The following TXN2 variants were observed in gnomAD, a reference collection of about 807,000 sequenced individuals.
TXN2 encodes the protein thioredoxin 2.
Under a neutral mutation model 14.6 loss-of-function variants are expected in TXN2, and 12 were observed. That is an observed-to-expected ratio of 0.82 (90% CI 0.53 to 1.33). TXN2 has a LOEUF of 1.33. Ranked by LOEUF, TXN2 falls within the 40% of genes most tolerant of loss-of-function variation. TXN2 has a pLI of 0.00. For synonymous variants in TXN2, 89 were observed against 81.0 expected, an observed-to-expected ratio of 1.10 and a Z score of -0.53; for missense variants, 173 against 207.7, an observed-to-expected ratio of 0.83 and a Z score of 1.03.
Position 36,473,213 on chromosome 22 carries a change from C to T in TXN2, c.387+3520G>A, listed in dbSNP as rs187973283. 2.4e-4 allele frequency among the ~76,000 whole-genome samples: 36 copies of T among 152,216 alleles called. No homozygotes were observed. The East Asian group carries it at 6.2e-3, about 26-fold the overall frequency. On this transcript the variant is annotated intron_variant, in intron 3 of 3. Coordinates refer to ENST00000216185, the MANE Select transcript of TXN2 (RefSeq NM_012473.4). ...ATCCTAGCACTTTGGGAGGCCGAGG[C>T]GGGCTGATCACCTGATGTCAGGAGT...
rs1337917806 is a variant in TXN2 at position 36,480,727 on chromosome 22, G to A, written c.111C>T (p.Cys37=). ...LTSRALQTPQ[C]SPGGLTVTPN... ...GTGTTACAGTCAGGCCACCAGGACT[G>A]CATTGTGGGGTCTGCAGGGCTCTGG... Residue 37 remains cysteine (C), a synonymous_variant, in exon 2 of 4, where the codon TGC becomes TGT. Coordinates refer to ENST00000216185, the MANE Select transcript of TXN2 (RefSeq NM_012473.4). 1 of 1,614,152 alleles carries A rather than the reference G, an allele frequency of 6.2e-7. No homozygotes were observed. Among genetic ancestry groups the A allele is most frequent in the Non-Finnish European group, 8.5e-7 (1 of 1,180,030 alleles).
At chr22:36,475,697 G>A (rs1262914273) in intron 3 of TXN2, among the ~76,000 whole-genome samples, 1 of 152,170 alleles carries the variant, frequency 6.6e-6, no homozygotes, top group East Asian at 1.9e-4. Context: ...ATACTAGAAT[G>A]TAGACTCCAC....
Position 36,476,853 on chromosome 22 carries a change from C to G in TXN2, c.267G>C (p.Trp89Cys). 1 of 1,614,184 alleles carries G rather than the reference C, an allele frequency of 6.2e-7. No individual in the cohort carries two copies. The highest frequency in any genetic ancestry group is 8.5e-7 in the Non-Finnish European group (1 of 1,180,026). ...TPVVVDFHAQ[W>C]CGPCKILGPR... ...GCCCCAGGATCTTGCAGGGTCCACA[C>G]CACCTCAAAAGGCGAGAAAGGAAGC... is the stretch of plus-strand genomic sequence containing the variant. The change falls in exon 3 of 4, where the codon TGG becomes TGC. Residue 89 changes from tryptophan (W) to cysteine (C), a missense_variant. Coordinates refer to ENST00000216185, the MANE Select transcript of TXN2 (RefSeq NM_012473.4).
At chr22:36,475,058 G>A (rs1933358835) in intron 3 of TXN2, among the ~76,000 whole-genome samples, 2 of 148,310 alleles carry the variant, frequency 1.3e-5, no homozygotes. Flanking sequence ...CAGCTTATCA[G>A]GGAGATCTAC....
chr22:36,481,536 C>A, intron 1 of TXN2, 28 bp downstream of exon 1: 1 of 994,298 alleles, frequency 1.0e-6, no homozygotes, highest in East Asian at 1.1e-4. Flanking sequence ...CGCGACACCA[C>A]CTCGAGCCAC....
At chr22:36,481,640 C>CGGG (rs1555885385), upstream of TXN2, 901 of 949,442 alleles carry the variant, frequency 9.5e-4, 8 homozygotes, top group African/African-American at 0.016. Flanking sequence ...GTCACTTCCT[C>CGGG]GGGGGGGGAC....
chr22:36,481,512 C>T, intron 1 of TXN2, 52 bp downstream of exon 1: 1 of 944,446 alleles, frequency 1.1e-6, no homozygotes, highest in Non-Finnish European at 1.3e-6. Flanking sequence ...AACGCGCTCG[C>T]GGCATGCCTC....
intron 2 of TXN2, among the ~76,000 whole-genome samples, chr22:36,479,682 C>T (rs2145827893): frequency 6.6e-6 from 1 of 152,176 alleles, no homozygotes; most frequent in Admixed American, 6.5e-5. Flanking sequence ...TCCCAGGATG[C>T]CTCATTCAGA....
chr22:36,480,037 C>A (rs1343193572), intron 2 of TXN2, among the ~76,000 whole-genome samples: 6 of 152,118 alleles, frequency 3.9e-5, no homozygotes, highest in Admixed American at 3.3e-4. Flanking sequence ...GCACACACCA[C>A]CACGCCTAGC....
intron 3 of TXN2, among the ~76,000 whole-genome samples, chr22:36,473,682 T>C (rs1191763777): frequency 6.6e-6 from 1 of 152,180 alleles, no homozygotes; most frequent in Non-Finnish European, 1.5e-5. Flanking sequence ...GATGTGGGCC[T>C]AGCAGCCTTG....
At chr22:36,479,449 A>G (rs368624832) in intron 2 of TXN2, among the ~76,000 whole-genome samples, 1 of 151,078 alleles carries the variant, frequency 6.6e-6, no homozygotes, top group Admixed American at 6.6e-5. Context: ...CTCCTGCCTC[A>G]GCCTCTTGGG....
At chr22:36,469,555 T>C (rs1933229308) in intron 3 of TXN2, among the ~76,000 whole-genome samples, 1 of 152,146 alleles carries the variant, frequency 6.6e-6, no homozygotes. Context: ...CTGCATAGGT[T>C]ATGTGGAACG....
chr22:36,481,625 C>A lies in TXN2; in HGVS notation c.-62G>T. 1 of 978,076 alleles carries A rather than the reference C, an allele frequency of 1.0e-6. No individual in the cohort carries two copies. Among genetic ancestry groups the A allele is most frequent in the Non-Finnish European group, 1.2e-6 (1 of 816,486 alleles). The allele number at this position is 978,076 out of a possible 1,614,324, so 60.6% of individuals were successfully genotyped here. ...CCCTCCCTGCCTGTCAAGGGCACGCCTGTCGTCACTTCCTCGGGGGGGGAC... is the reference window on the plus strand; with the variant it reads ...CCCTCCCTGCCTGTCAAGGGCACGCATGTCGTCACTTCCTCGGGGGGGGAC... On this transcript the variant is annotated 5_prime_UTR_variant, in exon 1 of 4. In the 5' UTR this introduces an upstream ATG that the reference lacks. Transcript: ENST00000216185.
chr22:36,469,416 G>T (rs1347055757), intron 3 of TXN2, among the ~76,000 whole-genome samples: 2 of 152,088 alleles, frequency 1.3e-5, no homozygotes, highest in African/African-American at 4.8e-5. Context: ...GAAACTCAGG[G>T]ACTTCTACTG....
chr22:36,479,434 C>T (rs928556079), intron 2 of TXN2, among the ~76,000 whole-genome samples: 3 of 151,376 alleles, frequency 2.0e-5, no homozygotes, highest in Admixed American at 1.3e-4. Context: ...CAGGTTCAAG[C>T]GATTCTCCTG....
At chr22:36,472,720 C>T (rs1009183252) in intron 3 of TXN2, among the ~76,000 whole-genome samples, 5 of 152,040 alleles carry the variant, frequency 3.3e-5, no homozygotes, top group Non-Finnish European at 5.9e-5. Context: ...ACAGGGGAAC[C>T]GAGGGCGGTG....
chr22:36,471,059 G>A (rs1045168960), intron 3 of TXN2, among the ~76,000 whole-genome samples: 1 of 152,188 alleles, frequency 6.6e-6, no homozygotes, highest in African/African-American at 2.4e-5. Flanking sequence ...CGACCCTGAG[G>A]AGGCGGCTGA....
chr22:36,471,784 T>C (rs6519009), intron 3 of TXN2, among the ~76,000 whole-genome samples: 43,231 of 151,666 alleles, frequency 0.29, 8,231 homozygotes, highest in African/African-American at 0.54. Flanking sequence ...GGCCGGCCAA[T>C]GTGGTGAAAC....
intron 3 of TXN2, among the ~76,000 whole-genome samples, chr22:36,473,624 AATG>A (rs1220441303): frequency 6.6e-6 from 1 of 152,180 alleles, no homozygotes; most frequent in Non-Finnish European, 1.5e-5. Context: ...TAAACCCTGC[AATG>A]ATGTCAGACC....
Sources: gnomAD v4.1 joint callset for allele counts (sites outside exome capture counted in the v4.1 genomes callset) on GRCh38, gnomAD v4.1.1 for gene constraint, MANE v1.5 for transcripts, NCBI Gene and HGNC (gene_info 2026-07-23, HGNC 2026-07-21) for gene names.